FCGR2A: variants seen among roughly 807,000 people sequenced by gnomAD.
FCGR2A encodes the protein Fc gamma receptor IIa, also known as low affinity immunoglobulin gamma Fc region receptor II-a.
Under a neutral mutation model 29.3 loss-of-function variants are expected in FCGR2A, and 18 were observed. The observed-to-expected ratio is 0.62, with a 90% CI of 0.43 to 0.91. The LOEUF (loss-of-function observed/expected upper bound fraction) is 0.91. Ranked by LOEUF, FCGR2A falls within the 40% of genes least tolerant of loss-of-function variation. The probability of loss-of-function intolerance (pLI) is 0.00; values close to 1 mark genes in which losing one functional copy is unlikely to be tolerated. For missense variants in FCGR2A, 287 were observed against 393.0 expected (o/e 0.73, Z 2.28); for synonymous variants, 126 against 144.8 (o/e 0.87, Z 0.93).
At chr1:161,516,285 T>C (rs1370918155) in intron 6 of FCGR2A, among the ~76,000 whole-genome samples, 1 of 152,082 alleles carries the variant, frequency 6.6e-6, no homozygotes, top group Non-Finnish European at 1.5e-5. Context: ...TCCACTTATC[T>C]TTTTCTCTCT....
In FCGR2A at chr1:161,510,005, G is replaced by A; in HGVS notation, c.550G>A (p.Asp184Asn). The A allele has an allele frequency of 6.2e-7, 1 of 1,613,922 alleles. No individual in the cohort carries two copies. The highest frequency in any genetic ancestry group is 8.5e-7 in the Non-Finnish European group (1 of 1,179,860). The change falls in exon 4 of 7, where the codon GAT becomes AAT. Residue 184 changes from aspartate (D) to asparagine (N), a missense_variant. Asp to Asn is a conservative substitution (Grantham distance 23, BLOSUM62 1). Coordinates refer to ENST00000271450, the MANE Select transcript of FCGR2A (RefSeq NM_001136219.3). Reference protein sequence around the residue: ...IPQANHSHSGDYHCTGNIGYT... With the variant: ...IPQANHSHSGNYHCTGNIGYT... ...ACAAGCAAACCACAGTCACAGTGGT[G>A]ATTACCACTGCACAGGAAACATAGG...
chr1:161,510,484 T>C (rs1332370423), intron 4 of FCGR2A: 4 of 444,076 alleles, frequency 9.0e-6, no homozygotes, highest in Non-Finnish European at 1.7e-5. Context: ...CTGTGCTCCA[T>C]AGAGTAATGA....
In FCGR2A at chr1:161,509,980, A is replaced by G. The variant is rs372733941; in HGVS notation, c.525A>G (p.Pro175=). 6 of 1,613,848 alleles carry G rather than the reference A, an allele frequency of 3.7e-6. No homozygotes were observed. In the African/African-American group the frequency reaches 5.3e-5, roughly 14 times the overall value. ...ATTTGGATCCCACCTTCTCCATCCC[A>G]CAAGCAAACCACAGTCACAGTGGTG... The part of the protein sequence containing the change: ...FSHLDPTFSI[P]QANHSHSGDY... Residue 175 remains proline (P), a synonymous_variant, in exon 4 of 7, where the codon CCA becomes CCG. Coordinates refer to ENST00000271450, the MANE Select transcript of FCGR2A (RefSeq NM_001136219.3).
Position 161,518,110 on chromosome 1 carries a change from A to G in FCGR2A, c.916A>G (p.Thr306Ala). Residue 306 changes from threonine (T) to alanine (A), a missense_variant, in exon 7 of 7, where the codon ACT becomes GCT. This residue lies in a region of FCGR2A where 34 missense variants were observed against 73.5 expected (regional missense o/e 0.46). Coordinates refer to ENST00000271450, the MANE Select transcript of FCGR2A (RefSeq NM_001136219.3). ...PTDDDKNIYL[T>A]LPPNDHVNSN... is the part of the protein sequence containing the mutation. ...TGACGATGATAAAAACATCTACCTG[A>G]CTCTTCCTCCCAACGACCATGTCAA... 6.2e-7 allele frequency: 1 copy of G among 1,613,604 alleles called. No individual in the cohort carries two copies. The highest frequency in any genetic ancestry group is 1.3e-5 in the African/African-American group (1 of 74,874).
chr1:161,522,563 G>C (rs1195683022), downstream of FCGR2A, among the ~76,000 whole-genome samples: 3 of 152,088 alleles, frequency 2.0e-5, no homozygotes, highest in Admixed American at 2.0e-4. Context: ...TCCCTGCTGA[G>C]GTGAAGACCC....
intron 4 of FCGR2A, chr1:161,510,291 T>C (rs1675685344): frequency 1.2e-6 from 1 of 824,838 alleles, no homozygotes; most frequent in Non-Finnish European, 1.9e-6. Context: ...GTCAGGCTGT[T>C]GTTTCACTTT....
chr1:161,510,900 C>G lies in FCGR2A; in HGVS notation c.686C>G (p.Ala229Gly). ...IVAVVIATAVAAIVAAVVALI... is the reference protein window; with the variant it reads ...IVAVVIATAVGAIVAAVVALI... Reference sequence around the variant, plus strand: ...GCTGTGGTCATTGCGACTGCTGTAGCAGCCATTGTTGCTGCTGTAGTGGCC... The same window carrying G: ...GCTGTGGTCATTGCGACTGCTGTAGGAGCCATTGTTGCTGCTGTAGTGGCC... Residue 229 changes from alanine (A) to glycine (G), a missense_variant, in exon 5 of 7, where the codon GCA becomes GGA. Physicochemically the swap from Ala to Gly is moderately conservative, Grantham distance 60. Coordinates refer to ENST00000271450, the MANE Select transcript of FCGR2A (RefSeq NM_001136219.3). 1 of 1,614,230 alleles carries G rather than the reference C, an allele frequency of 6.2e-7. No homozygotes were observed. Among genetic ancestry groups the G allele is most frequent in the Non-Finnish European group, 8.5e-7 (1 of 1,180,038 alleles).
rs527498026 is a variant in FCGR2A at position 161,508,678 on chromosome 1, G to A, written c.365-1142G>A. On this transcript the variant is annotated intron_variant, in intron 3 of 6. Coordinates refer to ENST00000271450, the MANE Select transcript of FCGR2A (RefSeq NM_001136219.3). Reference sequence around the variant, plus strand: ...AAATTATATTTATTCCTATGATACAGCAATTTGATTTTCATCTTTATTAAG... The same window carrying A: ...AAATTATATTTATTCCTATGATACAACAATTTGATTTTCATCTTTATTAAG... Among the ~76,000 whole-genome samples, 4 of 151,662 alleles carry A rather than the reference G, an allele frequency of 2.6e-5. No homozygotes were observed. The East Asian group carries it at 5.8e-4, about 22-fold the overall frequency.
In FCGR2A at chr1:161,510,893, G is replaced by A. The variant is rs779222605; in HGVS notation, c.679G>A (p.Ala227Thr). 6.1e-5 allele frequency: 99 copies of A among 1,614,206 alleles called. No homozygotes were observed. Among genetic ancestry groups the A allele is most frequent in the Non-Finnish European group, 8.2e-5 (97 of 1,180,024 alleles). Reference protein sequence around the residue: ...GIIVAVVIATAVAAIVAAVVA... With the variant: ...GIIVAVVIATTVAAIVAAVVA... ...CATTGTGGCTGTGGTCATTGCGACTGCTGTAGCAGCCATTGTTGCTGCTGT... is the reference window on the plus strand; with the variant it reads ...CATTGTGGCTGTGGTCATTGCGACTACTGTAGCAGCCATTGTTGCTGCTGT... Residue 227 changes from alanine (A) to threonine (T), a missense_variant, in exon 5 of 7, where the codon GCT becomes ACT. By Grantham distance (58) the Ala-to-Thr change is moderately conservative. Transcript: ENST00000271450.
chr1:161,510,395 G>T, intron 4 of FCGR2A: 1 of 569,112 alleles, frequency 1.8e-6, no homozygotes, highest in East Asian at 3.3e-5. Flanking sequence ...TAAGAGCTGA[G>T]GTTTGCCTCG....
chr1:161,513,837 G>T lies in FCGR2A; in HGVS notation c.743-58G>T, dbSNP rs182370196. Reference sequence around the variant, plus strand: ...ATGGTTTTGCAGCCTCAGCATCAGCGTGGGCAGGCCCTTTTCAACAGCAGT... The same window carrying T: ...ATGGTTTTGCAGCCTCAGCATCAGCTTGGGCAGGCCCTTTTCAACAGCAGT... On this transcript the variant is annotated intron_variant, in intron 5 of 6. Transcript: ENST00000271450. 8.1e-6 allele frequency: 13 copies of T among 1,613,724 alleles called. No homozygotes were observed. The Admixed American group carries it at 1.8e-4, about 23-fold the overall frequency.
chr1:161,508,604 A>G (rs1269161405), intron 3 of FCGR2A, among the ~76,000 whole-genome samples: 1 of 151,856 alleles, frequency 6.6e-6, no homozygotes, highest in Admixed American at 6.6e-5. Flanking sequence ...AAAAAAAAGA[A>G]AAAGAAAACT....
At chr1:161,508,483 A>G (rs1057264809) in intron 3 of FCGR2A, among the ~76,000 whole-genome samples, 7 of 151,484 alleles carry the variant, frequency 4.6e-5, no homozygotes, top group African/African-American at 1.7e-4. Flanking sequence ...GCTACTCAGG[A>G]GGCTGAGGGA....
rs1242956276 is a variant in FCGR2A, at chr1:161,511,021, C to T, written c.742+65C>T. ...ATTTGGCCCAGGGCCTAACCCCAGA[C>T]ATTGCCAGAATCCCGCTCTTAGGGC... is the stretch of plus-strand genomic sequence containing the variant. On this transcript the variant is annotated intron_variant, in intron 5 of 6. Transcript: ENST00000271450. 7 of 1,611,548 alleles carry T rather than the reference C, an allele frequency of 4.3e-6. No individual in the cohort carries two copies. The African/African-American group carries it at 5.3e-5, about 12-fold the overall frequency.
chr1:161,521,438 C>A (rs1246124790), downstream of FCGR2A, among the ~76,000 whole-genome samples: 2 of 151,896 alleles, frequency 1.3e-5, no homozygotes, highest in African/African-American at 2.4e-5. Flanking sequence ...ACGGAGGAAG[C>A]TGTGGCCCAG....
downstream of FCGR2A, chr1:161,523,838 AAATG>A (rs1557842238): frequency 2.2e-4 from 34 of 152,068 alleles, no homozygotes; most frequent in Admixed American, 1.7e-3. Flanking sequence ...GATCGGAAAA[AAATG>A]AAAGTGCATT....
At chr1:161,508,587 C>CAAAAAA (rs10648106) in intron 3 of FCGR2A, among the ~76,000 whole-genome samples, 1 of 88,418 alleles carries the variant, frequency 1.1e-5, no homozygotes. Context: ...AACTCCATCT[C>CAAAAAA]AAAAAAAAAA....
chr1:161,514,095 A>G (rs1199669991), intron 6 of FCGR2A, among the ~76,000 whole-genome samples, 163 bp downstream of exon 6: 3 of 152,202 alleles, frequency 2.0e-5, no homozygotes, highest in Admixed American at 1.3e-4. Flanking sequence ...ATCATTGCTT[A>G]AACTGCAAAC....
chr1:161,512,164 G>A lies in FCGR2A; in HGVS notation c.742+1208G>A, dbSNP rs376317626. Among the ~76,000 whole-genome samples the A allele has an allele frequency of 1.3e-3, 196 of 151,434 alleles. 1 individual carries two copies. The East Asian group carries it at 0.033, about 25-fold the overall frequency. On this transcript the variant is annotated intron_variant, in intron 5 of 6. Transcript: ENST00000271450. ...TTTGGCAGAGCTGGCAGAGGATGGG[G>A]TTAGGGGCTGTAAGACTGAGGCCAA...
Sources: gnomAD v4.1 joint callset for allele counts (sites outside exome capture counted in the v4.1 genomes callset) on GRCh38, gnomAD v4.1.1 for gene constraint, gnomAD v4.1.1 regional missense constraint, MANE v1.5 for transcripts, NCBI Gene and HGNC (gene_info 2026-07-23, HGNC 2026-07-21) for gene names.